The following HIVEP3 variants were observed in gnomAD, a reference collection of about 807,000 sequenced individuals.
HIVEP3 encodes the protein transcription factor HIVEP3.
A neutral mutation model predicts 152.8 loss-of-function variants in HIVEP3; 49 were observed. The ratio of observed to expected loss-of-function variants is 0.32; its 90% CI spans 0.26 to 0.41. The LOEUF is 0.41. HIVEP3 is among the 10% of genes least tolerant of loss of function. The pLI is 1.00. For missense variants in HIVEP3, 2,790 were observed against 3,103.3 expected (o/e 0.90, Z 2.40); for synonymous variants, 1,269 against 1,289.0 (o/e 0.98, Z 0.33).
rs186830526 is a variant in HIVEP3, at chr1:41,611,898, C to T, written c.-522+16851G>A. ...ACTCCGGTTGCCTGAGGTCGGCTCA[C>T]CCCAGAGCACCTGATTCTGGCCCCA... On this transcript the variant is annotated intron_variant, in intron 3 of 8. Transcript: ENST00000372583. 5.9e-5 allele frequency among the ~76,000 whole-genome samples: 9 copies of T among 152,328 alleles called. No individual in the cohort carries two copies. In the East Asian group the frequency reaches 1.7e-3, roughly 29 times the overall value.
chr1:41,739,684 C>G (rs944137110), intron 1 of HIVEP3, among the ~76,000 whole-genome samples: 1 of 152,240 alleles, frequency 6.6e-6, no homozygotes, highest in African/African-American at 2.4e-5. Flanking sequence ...CATGTCTCAA[C>G]CCCAGACTCC....
chr1:41,837,079 T>C (rs564180236), intron 1 of HIVEP3, among the ~76,000 whole-genome samples: 2 of 152,306 alleles, frequency 1.3e-5, no homozygotes, highest in East Asian at 3.9e-4. Context: ...CTCCACCCTT[T>C]CAATAATTCC....
chr1:41,562,594 C>T (rs5020942), intron 5 of HIVEP3, among the ~76,000 whole-genome samples: 1,148 of 89,620 alleles, frequency 0.013, 6 homozygotes, highest in Middle Eastern at 0.04. Flanking sequence ...TTCCTTCCTT[C>T]CTTTCTTTCT....
intron 5 of HIVEP3, among the ~76,000 whole-genome samples, chr1:41,562,947 C>G (rs1003762502): frequency 3.9e-5 from 6 of 152,030 alleles, no homozygotes; most frequent in African/African-American, 9.7e-5. Flanking sequence ...ACTCTCCCCC[C>G]ACCCACCCCA....
intron 1 of HIVEP3, among the ~76,000 whole-genome samples, chr1:41,879,915 G>A (rs1302720771): frequency 6.6e-6 from 1 of 152,134 alleles, no homozygotes; most frequent in African/African-American, 2.4e-5. Context: ...CTCTTCTTAG[G>A]TGCCTAGCAT....
chr1:41,579,788 A>G lies in HIVEP3; in HGVS notation c.5010T>C (p.Pro1670=). ...ETYTMATAPH[P]EAGRLVPSSS... Reference sequence around the variant, plus strand: ...TGGATGGCACAAGCCTTCCTGCCTCAGGATGCGGAGCTGTGGCCATGGTGT... The same window carrying G: ...TGGATGGCACAAGCCTTCCTGCCTCGGGATGCGGAGCTGTGGCCATGGTGT... The change falls in exon 4 of 9, where the codon CCT becomes CCC. Residue 1670 remains proline (P), a synonymous_variant. Coordinates refer to ENST00000372583, the MANE Select transcript of HIVEP3 (RefSeq NM_024503.5). 1 of 1,604,226 alleles carries G rather than the reference A, an allele frequency of 6.2e-7. No homozygotes were observed. The highest frequency in any genetic ancestry group is 8.5e-7 in the Non-Finnish European group (1 of 1,172,314).
intron 1 of HIVEP3, among the ~76,000 whole-genome samples, chr1:41,907,573 G>T (rs1329135513): frequency 6.6e-6 from 1 of 152,196 alleles, no homozygotes; most frequent in East Asian, 1.9e-4. Flanking sequence ...GACTGGCACG[G>T]TTCCCTCCCC....
At chr1:41,705,181 C>T (rs556264321) in intron 1 of HIVEP3, among the ~76,000 whole-genome samples, 34 of 152,330 alleles carry the variant, frequency 2.2e-4, no homozygotes, top group East Asian at 1.3e-3. Context: ...GGCTCACTCA[C>T]GGAGCCTGGA....
intron 2 of HIVEP3, among the ~76,000 whole-genome samples, chr1:41,653,450 T>C (rs933076945): frequency 1.3e-5 from 2 of 152,138 alleles, no homozygotes; most frequent in African/African-American, 2.4e-5. Context: ...TACTTGGCCA[T>C]TGGACTTTCA....
chr1:41,948,477 C>T (rs1645087033), intron 1 of HIVEP3, among the ~76,000 whole-genome samples: 2 of 152,020 alleles, frequency 1.3e-5, no homozygotes, highest in Admixed American at 1.3e-4. Context: ...CTTACACTGC[C>T]AGAGTCATCA....
chr1:41,740,330 T>C (rs1646978667), intron 1 of HIVEP3, among the ~76,000 whole-genome samples: 1 of 152,132 alleles, frequency 6.6e-6, no homozygotes, highest in African/African-American at 2.4e-5. Context: ...AGAGAGTGGA[T>C]GAGTTAATGT....
Position 41,930,170 on chromosome 1 carries a change from C to T in HIVEP3, n.120-11646G>A, listed in dbSNP as rs371262473. ...ATTGATTTTGTTCTTAATTTGCACA[C>T]GGCAAAATTTACACTTTATGGTGTA... On this transcript the variant is annotated intron_variant and non_coding_transcript_variant, in intron 1 of 3. Coordinates refer to the HIVEP3 transcript ENST00000489103. Among the ~76,000 whole-genome samples the T allele has an allele frequency of 9.2e-5, 14 of 152,244 alleles. 1 individual carries two copies. Among genetic ancestry groups the T allele is most frequent in the South Asian group, 4.1e-4 (2 of 4,828 alleles).
intron 1 of HIVEP3, among the ~76,000 whole-genome samples, chr1:41,877,110 T>A (rs916129527): frequency 1.3e-5 from 2 of 152,182 alleles, no homozygotes; most frequent in African/African-American, 4.8e-5. Context: ...GTTAATAATA[T>A]TAAACTCATC....
chr1:41,562,620 T>TCC (rs1558063039), intron 5 of HIVEP3, among the ~76,000 whole-genome samples: 11 of 102,608 alleles, frequency 1.1e-4, no homozygotes, highest in African/African-American at 1.9e-4. Flanking sequence ...TCTCTCTCTC[T>TCC]CTCTCTCTCT....
At chr1:41,629,420 C>T (rs1199027712) in intron 2 of HIVEP3, among the ~76,000 whole-genome samples, 1 of 152,124 alleles carries the variant, frequency 6.6e-6, no homozygotes, top group East Asian at 1.9e-4. Context: ...CAAAAATTGG[C>T]AAGTAGGCCT....
At chr1:41,537,900 C>G (rs763169893) in intron 5 of HIVEP3, among the ~76,000 whole-genome samples, 1 of 152,216 alleles carries the variant, frequency 6.6e-6, no homozygotes, top group African/African-American at 2.4e-5. Context: ...TAAACAGCGA[C>G]GTGAGCTGCA....
intron 1 of HIVEP3, among the ~76,000 whole-genome samples, chr1:41,912,857 A>C (rs554801649): frequency 6.6e-6 from 1 of 152,062 alleles, no homozygotes; most frequent in African/African-American, 2.4e-5. Flanking sequence ...AATTGGGGGG[A>C]GTTTGAGGGG....
At chr1:41,694,040 G>T (rs998071174) in intron 2 of HIVEP3, among the ~76,000 whole-genome samples, 5 of 151,936 alleles carry the variant, frequency 3.3e-5, no homozygotes, top group Non-Finnish European at 5.9e-5. Flanking sequence ...ATTCATCCAT[G>T]TTTATTTTTC....
At chr1:41,558,174 T>A (rs995445834) in intron 5 of HIVEP3, among the ~76,000 whole-genome samples, 1 of 151,974 alleles carries the variant, frequency 6.6e-6, no homozygotes, top group Non-Finnish European at 1.5e-5. Context: ...TCCCTGTGAG[T>A]CCTCAGGAGA....
Sources: gnomAD v4.1 joint callset for allele counts (sites outside exome capture counted in the v4.1 genomes callset) on GRCh38, gnomAD v4.1.1 for gene constraint, MANE v1.5 for transcripts, NCBI Gene and HGNC (gene_info 2026-07-23, HGNC 2026-07-21) for gene names.